Variants in GABRB2 observed in about 807,000 individuals in gnomAD.
GABRB2 encodes gamma-aminobutyric acid receptor subunit beta-2.
Under a neutral mutation model 54.7 loss-of-function variants are expected in GABRB2, and 16 were observed. That is an observed-to-expected ratio of 0.29 (90% CI 0.20 to 0.44). GABRB2 has a LOEUF of 0.44. GABRB2 is among the 20% of genes least tolerant of loss of function. GABRB2 has a pLI of 1.00. For missense variants in GABRB2, 355 were observed against 644.0 expected (o/e 0.55, Z 4.86); for synonymous variants, 244 against 233.8 (o/e 1.04, Z -0.40).
chr5:161,448,727 C>G (rs114484725), intron 4 of GABRB2, among the ~76,000 whole-genome samples: 241 of 152,228 alleles, frequency 1.6e-3, no homozygotes, highest in African/African-American at 5.7e-3. Flanking sequence ...TTGCATGTAG[C>G]TTTTACTTGG....
intron 4 of GABRB2, among the ~76,000 whole-genome samples, chr5:161,417,354 T>G (rs925776599): frequency 2.0e-5 from 3 of 152,244 alleles, no homozygotes; most frequent in African/African-American, 7.2e-5. Context: ...TTAAGTCATA[T>G]TGTTATTCCC....
intron 3 of GABRB2, among the ~76,000 whole-genome samples, chr5:161,527,083 A>ATCTG (rs1760306593): frequency 6.6e-6 from 1 of 151,514 alleles, no homozygotes; most frequent in African/African-American, 2.4e-5. Context: ...ATAATAAGAT[A>ATCTG]TCTGTCTTAC....
At chr5:161,459,892 T>C (rs1282761255) in intron 3 of GABRB2, 48 bp from the exon 4 acceptor site, 7 of 1,082,082 alleles carry the variant, frequency 6.5e-6, no homozygotes, top group Non-Finnish European at 7.0e-6. Flanking sequence ...CCCAGACAGA[T>C]CTGGGGGATA....
At chr5:161,482,803 A>G (rs1581023431) in intron 3 of GABRB2, among the ~76,000 whole-genome samples, 1 of 151,936 alleles carries the variant, frequency 6.6e-6, no homozygotes, top group African/African-American at 2.4e-5. Context: ...TCCATATTTA[A>G]TTGTTACTTA....
At chr5:161,446,899 A>G (rs1371056940) in intron 4 of GABRB2, among the ~76,000 whole-genome samples, 1 of 151,922 alleles carries the variant, frequency 6.6e-6, no homozygotes, top group African/African-American at 2.4e-5. Flanking sequence ...TGTGTCATTT[A>G]TCTTCCTGTA....
chr5:161,474,819 C>T (rs1055033762), intron 3 of GABRB2, among the ~76,000 whole-genome samples: 1 of 151,898 alleles, frequency 6.6e-6, no homozygotes, highest in Non-Finnish European at 1.5e-5. Flanking sequence ...CTGCTCATAA[C>T]TTTACGGTAT....
chr5:161,517,850 G>A (rs1175075955), intron 3 of GABRB2, among the ~76,000 whole-genome samples: 2 of 151,176 alleles, frequency 1.3e-5, no homozygotes, highest in Admixed American at 6.6e-5. Flanking sequence ...ATGCTGGAGT[G>A]CAGTGGCATG....
intron 4 of GABRB2, among the ~76,000 whole-genome samples, chr5:161,432,227 C>G (rs1757189828): frequency 6.6e-6 from 1 of 152,172 alleles, no homozygotes; most frequent in African/African-American, 2.4e-5. Context: ...AGTTTGCAAC[C>G]CTGCTCACAA....
rs1019609424 is a variant in GABRB2 at position 161,328,084 on chromosome 5, C to G, written c.1078-1603G>C. ...CAAAATGGGTTGTAGGTTTTCTGCT[C>G]TAAGAAATAATTAATAGAGTTTGAT... On this transcript the variant is annotated intron_variant, in intron 8 of 9. Transcript: ENST00000393959. Among the ~76,000 whole-genome samples the G allele has an allele frequency of 9.9e-5, 15 of 152,192 alleles. 1 individual carries two copies. Among genetic ancestry groups the G allele is most frequent in the African/African-American group, 3.4e-4 (14 of 41,556 alleles).
chr5:161,505,832 T>C (rs1005008230), intron 3 of GABRB2, among the ~76,000 whole-genome samples: 3 of 152,154 alleles, frequency 2.0e-5, no homozygotes, highest in African/African-American at 7.2e-5. Context: ...ACTTTGTAAA[T>C]AATATCAGAC....
rs553848359 is a variant in GABRB2 at position 161,486,245 on chromosome 5, C to T, written c.238-26401G>A. ...CAAAGGGTCTTCCTCTTCAGCTACACAAATATTTCTCAAACATCCACCCTG... is the reference window on the plus strand; with the variant it reads ...CAAAGGGTCTTCCTCTTCAGCTACATAAATATTTCTCAAACATCCACCCTG... On this transcript the variant is annotated intron_variant, in intron 3 of 9. Transcript: ENST00000393959. 4.6e-5 allele frequency among the ~76,000 whole-genome samples: 7 copies of T among 152,022 alleles called. No homozygotes were observed. The East Asian group carries it at 1.4e-3, about 30-fold the overall frequency.
intron 5 of GABRB2, among the ~76,000 whole-genome samples, chr5:161,371,979 C>T (rs1755145568): frequency 6.6e-6 from 1 of 152,128 alleles, no homozygotes; most frequent in African/African-American, 2.4e-5. Context: ...ATCCTCCCCT[C>T]TCAACCTCCC....
At chr5:161,533,880 G>A (rs935235719) in intron 3 of GABRB2, among the ~76,000 whole-genome samples, 3 of 152,026 alleles carry the variant, frequency 2.0e-5, no homozygotes, top group Non-Finnish European at 4.4e-5. Context: ...TATAAAATAA[G>A]TGAATGCAAT....
chr5:161,458,810 T>C (rs1245943562), intron 4 of GABRB2, among the ~76,000 whole-genome samples: 1 of 152,188 alleles, frequency 6.6e-6, no homozygotes, highest in Non-Finnish European at 1.5e-5. Context: ...GTTCAATAAA[T>C]GAATATTATT....
intron 9 of GABRB2, 77 bp downstream of exon 9, chr5:161,326,291 C>T: frequency 6.3e-7 from 1 of 1,581,850 alleles, no homozygotes; most frequent in Non-Finnish European, 8.6e-7. Flanking sequence ...AGATCCCACA[C>T]ATTTTTTAAG....
intron 9 of GABRB2, among the ~76,000 whole-genome samples, chr5:161,319,125 GTTT>G (rs777958862): frequency 0.035 from 4,895 of 139,596 alleles, 285 homozygotes; most frequent in African/African-American, 0.12. Context: ...TTTATTAGCT[GTTT>G]TTTTTTTTTT....
chr5:161,379,654 T>C (rs1438148388), intron 5 of GABRB2, among the ~76,000 whole-genome samples: 2 of 152,284 alleles, frequency 1.3e-5, no homozygotes, highest in East Asian at 3.9e-4. Context: ...CAGACATTCA[T>C]ACATTAATTC....
intron 3 of GABRB2, among the ~76,000 whole-genome samples, chr5:161,502,362 A>G (rs952435851): frequency 2.0e-5 from 3 of 152,174 alleles, no homozygotes; most frequent in South Asian, 2.1e-4. Context: ...TTATTAGAAT[A>G]GATACAAAAC....
chr5:161,462,642 A>G (rs551917136), intron 3 of GABRB2, among the ~76,000 whole-genome samples: 1 of 152,258 alleles, frequency 6.6e-6, no homozygotes, highest in East Asian at 1.9e-4. Context: ...GACTAAATAA[A>G]TGTTAAGATT....
Sources: allele counts gnomAD v4.1 joint callset (sites outside exome capture counted in the v4.1 genomes callset), GRCh38; gene constraint gnomAD v4.1.1; transcripts MANE v1.5; gene names NCBI Gene and HGNC (gene_info 2026-07-23, HGNC 2026-07-21).